CTNNA2: variants seen among roughly 807,000 people sequenced by gnomAD.
CTNNA2 encodes catenin alpha 2, also known as catenin alpha-2.
A neutral mutation model predicts 101.0 loss-of-function variants in CTNNA2; 42 were observed. The ratio of observed to expected loss-of-function variants is 0.42; its 90% CI spans 0.32 to 0.54. The LOEUF (loss-of-function observed/expected upper bound fraction) is 0.54, where lower values mean the gene tolerates loss of function less well. Ranked by LOEUF, CTNNA2 falls within the 20% of genes least tolerant of loss-of-function variation. CTNNA2 has a pLI of 0.14. For missense variants in CTNNA2, 871 were observed against 1,223.1 expected, an observed-to-expected ratio of 0.71 and a Z score of 4.29; for synonymous variants, 450 against 456.4, an observed-to-expected ratio of 0.99 and a Z score of 0.18.
At chr2:80,553,235 T>G (rs57536108) in intron 11 of CTNNA2, among the ~76,000 whole-genome samples, 2 of 97,602 alleles carry the variant, frequency 2.0e-5, no homozygotes, top group Non-Finnish European at 5.1e-5. Flanking sequence ...AAAAAAAAAA[T>G]AAAATAAAAT....
At chr2:80,538,397 T>C (rs190212781) in intron 9 of CTNNA2, among the ~76,000 whole-genome samples, 2 of 152,312 alleles carry the variant, frequency 1.3e-5, no homozygotes, top group African/African-American at 4.8e-5. Context: ...GAGTTAATTT[T>C]TGTATAAGGT....
intron 4 of CTNNA2, among the ~76,000 whole-genome samples, chr2:79,475,788 A>T (rs1234573372): frequency 6.6e-6 from 1 of 152,090 alleles, no homozygotes; most frequent in Non-Finnish European, 1.5e-5. Context: ...TTCAGATAGA[A>T]TGTTAACAGG....
At chr2:80,620,355 T>A (rs1206898831) in intron 18 of CTNNA2, among the ~76,000 whole-genome samples, 1 of 151,824 alleles carries the variant, frequency 6.6e-6, no homozygotes, top group Non-Finnish European at 1.5e-5. Context: ...TTCTGTCTCA[T>A]CAACGGCTTC....
At chr2:80,079,539 G>T (rs1490710681) in intron 7 of CTNNA2, among the ~76,000 whole-genome samples, 1 of 152,198 alleles carries the variant, frequency 6.6e-6, no homozygotes, top group Non-Finnish European at 1.5e-5. Context: ...GTCCGGCTGG[G>T]CGCAGTGGCT....
intron 6 of CTNNA2, among the ~76,000 whole-genome samples, chr2:79,895,334 G>A (rs1019645118): frequency 2.6e-5 from 4 of 152,144 alleles, no homozygotes; most frequent in African/African-American, 9.7e-5. Context: ...TTATGCTCAA[G>A]GTGTATGCAT....
intron 4 of CTNNA2, among the ~76,000 whole-genome samples, chr2:79,467,727 A>G (rs951106706): frequency 6.6e-6 from 1 of 152,198 alleles, no homozygotes; most frequent in East Asian, 1.9e-4. Flanking sequence ...AATATTCAAC[A>G]TTCTTAAAGA....
At chr2:79,626,907 T>G (rs1679347253) in intron 1 of CTNNA2, among the ~76,000 whole-genome samples, 1 of 152,166 alleles carries the variant, frequency 6.6e-6, no homozygotes, top group Non-Finnish European at 1.5e-5. Flanking sequence ...GTAATGCTTA[T>G]GGAAATATTA....
chr2:79,330,499 G>A (rs947341707), intron 3 of CTNNA2, among the ~76,000 whole-genome samples: 4 of 152,078 alleles, frequency 2.6e-5, no homozygotes, highest in Non-Finnish European at 5.9e-5. Flanking sequence ...TTGAAGCAAC[G>A]CATCTCACCC....
chr2:80,568,325 G>A (rs903084970), intron 12 of CTNNA2, among the ~76,000 whole-genome samples: 15 of 152,172 alleles, frequency 9.9e-5, no homozygotes, highest in African/African-American at 3.6e-4. Flanking sequence ...GTGAAATACT[G>A]GATGACAAAG....
intron 7 of CTNNA2, among the ~76,000 whole-genome samples, chr2:80,035,882 G>T (rs559152168): frequency 6.6e-6 from 1 of 152,182 alleles, no homozygotes; most frequent in African/African-American, 2.4e-5. Context: ...GTAGCAACCA[G>T]CATGGTATTG....
chr2:80,099,877 C>T (rs558678356), intron 7 of CTNNA2, among the ~76,000 whole-genome samples: 26 of 152,150 alleles, frequency 1.7e-4, no homozygotes, highest in African/African-American at 4.8e-4. Flanking sequence ...TTACTGGGCC[C>T]GACCCTAGAA....
intron 16 of CTNNA2, among the ~76,000 whole-genome samples, chr2:80,607,149 T>A (rs1315418367): frequency 6.6e-6 from 1 of 151,878 alleles, no homozygotes; most frequent in African/African-American, 2.4e-5. Flanking sequence ...TGAGGGAAAC[T>A]TAGCTCAGAG....
At chr2:80,637,170 C>T (rs1327217724) in intron 18 of CTNNA2, among the ~76,000 whole-genome samples, 1 of 152,088 alleles carries the variant, frequency 6.6e-6, no homozygotes, top group Non-Finnish European at 1.5e-5. Context: ...TTGGACTCAC[C>T]TGGTGATTTA....
chr2:80,252,359 A>T (rs1164651105), intron 7 of CTNNA2, among the ~76,000 whole-genome samples: 1 of 152,118 alleles, frequency 6.6e-6, no homozygotes, highest in Non-Finnish European at 1.5e-5. Flanking sequence ...TTATGCCTTT[A>T]CTTTTCTGTT....
chr2:80,503,131 C>T (rs1688004365), intron 9 of CTNNA2, among the ~76,000 whole-genome samples: 1 of 151,940 alleles, frequency 6.6e-6, no homozygotes, highest in African/African-American at 2.4e-5. Context: ...CATGATGGTG[C>T]CACTGCACTC....
At chr2:79,560,090 A>ATT (rs35288403) in intron 1 of CTNNA2, among the ~76,000 whole-genome samples, 274 of 147,536 alleles carry the variant, frequency 1.9e-3, no homozygotes, top group Middle Eastern at 0.01. Context: ...CGTCAGCTAC[A>ATT]TTTTTTTTTT....
chr2:80,129,154 C>A (rs1014521169), intron 7 of CTNNA2, among the ~76,000 whole-genome samples: 1 of 152,100 alleles, frequency 6.6e-6, no homozygotes, highest in Non-Finnish European at 1.5e-5. Flanking sequence ...GAGCCTCAGA[C>A]CATGATGCAA....
intron 4 of CTNNA2, among the ~76,000 whole-genome samples, chr2:79,497,115 G>A (rs1271360654): frequency 2.0e-5 from 3 of 152,156 alleles, no homozygotes; most frequent in South Asian, 2.1e-4. Context: ...TGGATCCAAC[G>A]TGTACCATAA....
At chr2:79,820,475 C>A (rs1677913641) in intron 3 of CTNNA2, among the ~76,000 whole-genome samples, 1 of 152,140 alleles carries the variant, frequency 6.6e-6, no homozygotes, top group Non-Finnish European at 1.5e-5. Context: ...GGCTGAAATC[C>A]TTATCTTCGG....
Sources: allele counts gnomAD v4.1 joint callset (sites outside exome capture counted in the v4.1 genomes callset), GRCh38; gene constraint gnomAD v4.1.1; transcripts MANE v1.5; gene names NCBI Gene and HGNC (gene_info 2026-07-23, HGNC 2026-07-21).